Variants in WWP1 observed in about 807,000 individuals in gnomAD.
WWP1 encodes WW domain containing E3 ubiquitin protein ligase 1, also known as NEDD4-like E3 ubiquitin-protein ligase WWP1.
WWP1 carries 49 observed loss-of-function variants against 130.6 expected under a neutral mutation model. That is an observed-to-expected ratio of 0.38 (90% confidence interval 0.30 to 0.48). The LOEUF (loss-of-function observed/expected upper bound fraction) is 0.48, where lower values mean the gene tolerates loss of function less well. Among genes scored for constraint, WWP1 ranks in the 20% least tolerant of loss-of-function variants. The probability of loss-of-function intolerance (pLI) is 0.99; values close to 1 mark genes in which losing one functional copy is unlikely to be tolerated. For missense variants in WWP1, 809 were observed against 1,100.6 expected, an observed-to-expected ratio of 0.74 and a Z score of 3.75; for synonymous variants, 332 against 367.8, an observed-to-expected ratio of 0.90 and a Z score of 1.11.
intron 9 of WWP1, among the ~76,000 whole-genome samples, chr8:86,421,959 G>GGGAA (rs1361925596): frequency 6.6e-6 from 1 of 152,078 alleles, no homozygotes; most frequent in Non-Finnish European, 1.5e-5. Context: ...CTTTATGGGA[G>GGGAA]ATCCTTGAGC....
chr8:86,434,709 T>G (rs181906160), intron 14 of WWP1, among the ~76,000 whole-genome samples: 1 of 152,324 alleles, frequency 6.6e-6, no homozygotes. Context: ...TTTTACCTAT[T>G]AATAAGTAAT....
In WWP1 at chr8:86,380,714, T is replaced by C; in HGVS notation, c.71-12T>C. On this transcript the variant is annotated splice_polypyrimidine_tract_variant and intron_variant, in intron 3 of 24. Transcript: ENST00000517970. Reference sequence around the variant, plus strand: ...GCAACACATACTCACTAGTGAATTATTTGTCTGTTAGTTTCTAGTGCCAAA... The same window carrying C: ...GCAACACATACTCACTAGTGAATTACTTGTCTGTTAGTTTCTAGTGCCAAA... 2 of 1,603,924 alleles carry C rather than the reference T, an allele frequency of 1.2e-6. No individual in the cohort carries two copies. The highest frequency in any genetic ancestry group is 1.7e-6 in the Non-Finnish European group (2 of 1,176,398).
At chr8:86,413,781 G>A (rs934252030) in intron 9 of WWP1, among the ~76,000 whole-genome samples, 1 of 152,192 alleles carries the variant, frequency 6.6e-6, no homozygotes, top group African/African-American at 2.4e-5. Context: ...GTGTGATTTC[G>A]AAGGGTTTGG....
At chr8:86,389,798 C>T (rs924820587) in intron 5 of WWP1, among the ~76,000 whole-genome samples, 1 of 149,922 alleles carries the variant, frequency 6.7e-6, no homozygotes, top group Non-Finnish European at 1.5e-5. Context: ...CGCCCCCCAC[C>T]TCCCTCCCAG....
At chr8:86,359,306 AAACAACTCT>A in intron 1 of WWP1, among the ~76,000 whole-genome samples, 1 of 152,270 alleles carries the variant, frequency 6.6e-6, no homozygotes, top group Non-Finnish European at 1.5e-5. Flanking sequence ...CCTATGCTAT[AAACAACTCT>A]AACAGTTTCA....
intron 5 of WWP1, among the ~76,000 whole-genome samples, chr8:86,387,793 G>A (rs1245907660): frequency 6.6e-6 from 1 of 151,976 alleles, no homozygotes; most frequent in African/African-American, 2.4e-5. Flanking sequence ...GAAAGTGCCG[G>A]GATTATAGGC....
intron 5 of WWP1, among the ~76,000 whole-genome samples, chr8:86,388,159 CTTTT>C (rs757352807): frequency 7.2e-6 from 1 of 139,562 alleles, no homozygotes; most frequent in Non-Finnish European, 1.6e-5. Context: ...TTATCTCTGC[CTTTT>C]TTTTTTTTTT....
intron 9 of WWP1, among the ~76,000 whole-genome samples, chr8:86,423,535 T>C (rs1369510858): frequency 2.0e-5 from 3 of 152,116 alleles, no homozygotes; most frequent in Non-Finnish European, 2.9e-5. Context: ...GAGCACAGGG[T>C]TGGGGGCAAG....
intron 3 of WWP1, among the ~76,000 whole-genome samples, chr8:86,378,742 G>A (rs1209275324): frequency 6.6e-6 from 1 of 152,024 alleles, no homozygotes; most frequent in Non-Finnish European, 1.5e-5. Context: ...TTACCCTCTA[G>A]TATTGTTGAG....
At chr8:86,394,090 T>C (rs1479655582) in intron 5 of WWP1, among the ~76,000 whole-genome samples, 1 of 152,242 alleles carries the variant, frequency 6.6e-6, no homozygotes, top group Non-Finnish European at 1.5e-5. Context: ...TTGTTATTTT[T>C]AGCCAGTAAG....
chr8:86,401,234 T>G (rs1807961596), intron 7 of WWP1, among the ~76,000 whole-genome samples: 1 of 152,020 alleles, frequency 6.6e-6, no homozygotes, highest in South Asian at 2.1e-4. Flanking sequence ...TTGAAGACTG[T>G]TTTTCACTTA....
intron 3 of WWP1, among the ~76,000 whole-genome samples, chr8:86,375,528 A>G (rs1322309558): frequency 2.6e-5 from 4 of 151,928 alleles, no homozygotes; most frequent in Non-Finnish European, 1.5e-5. Context: ...TCTCCTCTTA[A>G]TCTCCTAATT....
chr8:86,455,049 TTC>T (rs1301183125), intron 21 of WWP1, among the ~76,000 whole-genome samples: 1 of 152,078 alleles, frequency 6.6e-6, no homozygotes, highest in Non-Finnish European at 1.5e-5. Flanking sequence ...TATACTATTA[TTC>T]ACAATAATGG....
chr8:86,458,174 A>G, intron 22 of WWP1, 149 bp downstream of exon 22: 1 of 600,176 alleles, frequency 1.7e-6, no homozygotes, highest in East Asian at 3.0e-5. Flanking sequence ...AATAGTGTGA[A>G]CACTTGTTAA....
chr8:86,399,427 A>C (rs1339620068), intron 7 of WWP1, among the ~76,000 whole-genome samples: 1 of 152,212 alleles, frequency 6.6e-6, no homozygotes, highest in Non-Finnish European at 1.5e-5. Context: ...AGAGCAAATA[A>C]AGTAGAATTA....
At chr8:86,369,798 C>T (rs1824180611) in intron 2 of WWP1, among the ~76,000 whole-genome samples, 1 of 152,076 alleles carries the variant, frequency 6.6e-6, no homozygotes, top group African/African-American at 2.4e-5. Flanking sequence ...TGTCTGAAAG[C>T]TGTATCTGTC....
intron 22 of WWP1, 62 bp from the exon 23 acceptor site, chr8:86,461,162 C>T (rs1811750493): frequency 2.1e-6 from 3 of 1,415,514 alleles, no homozygotes; most frequent in Non-Finnish European, 2.0e-6. Context: ...CAAGTGTCTA[C>T]TACTTTCATG....
intron 8 of WWP1, among the ~76,000 whole-genome samples, chr8:86,408,162 G>C (rs902167794): frequency 6.6e-6 from 1 of 152,122 alleles, no homozygotes; most frequent in Admixed American, 6.5e-5. Flanking sequence ...AGCCTTTTCA[G>C]ATTGGCTTCT....
intron 1 of WWP1, among the ~76,000 whole-genome samples, chr8:86,344,155 T>A (rs1822423634): frequency 6.6e-6 from 1 of 152,226 alleles, no homozygotes; most frequent in South Asian, 2.1e-4. Context: ...ATGGTTAGTA[T>A]TTTAAAAAAT....
Sources: allele counts gnomAD v4.1 joint callset (sites outside exome capture counted in the v4.1 genomes callset), GRCh38; gene constraint gnomAD v4.1.1; transcripts MANE v1.5; gene names NCBI Gene and HGNC (gene_info 2026-07-23, HGNC 2026-07-21).